Variants in FOXRED1 observed in about 807,000 individuals in gnomAD.
FOXRED1 encodes FAD-dependent oxidoreductase domain-containing protein 1.
A neutral mutation model predicts 57.8 loss-of-function variants in FOXRED1; 52 were observed. The ratio of observed to expected loss-of-function variants is 0.90; its 90% CI spans 0.72 to 1.13. The LOEUF is 1.13. Among genes scored for constraint, FOXRED1 ranks in the 50% most tolerant of loss-of-function variants. The pLI, the probability that FOXRED1 is intolerant of heterozygous loss-of-function variation, is 0.00. For missense variants in FOXRED1, 589 were observed against 625.2 expected, an observed-to-expected ratio of 0.94 and a Z score of 0.62; for synonymous variants, 271 against 248.3, an observed-to-expected ratio of 1.09 and a Z score of -0.86.
At position 126,272,718 on chromosome 11, in the gene FOXRED1, C is replaced by T. The variant is rs1286635364; in HGVS notation, c.307-251C>T. ...CGTTAATCGCCTGCCCTTGGACTTC[C>T]AGGCCATTACCATTTTGTACCACTG... On this transcript the variant is annotated intron_variant, in intron 2 of 10. Coordinates refer to ENST00000263578, the MANE Select transcript of FOXRED1 (RefSeq NM_017547.4). The surrounding 1 kb of genome is among the most constrained non-coding windows in gnomAD (Gnocchi z 4.6). 2.2e-5 allele frequency: 13 copies of T among 580,480 alleles called. No individual in the cohort carries two copies. The East Asian group carries it at 3.8e-4, about 17-fold the overall frequency. 36.0% of individuals were successfully genotyped at this position (580,480 alleles called of 1,614,324 possible).
At position 126,273,879 on chromosome 11, in the gene FOXRED1, T is replaced by C. The variant is rs1951058910; in HGVS notation, c.536+425T>C. The stretch of plus-strand genomic sequence containing the variant: ...TGCTATCACAGCATGAAAGCAGCCA[T>C]AGACAAAAGTGCAAATGAAGGAGTG... On this transcript the variant is annotated intron_variant, in intron 4 of 10. Transcript: ENST00000263578. The surrounding 1 kb of genome is among the most constrained non-coding windows in gnomAD (Gnocchi z 5.9). 4.4e-6 allele frequency: 1 copy of C among 225,780 alleles called. No individual in the cohort carries two copies. Among genetic ancestry groups the C allele is most frequent in the Non-Finnish European group, 9.1e-6 (1 of 110,496 alleles). 14.0% of individuals were successfully genotyped at this position (225,780 alleles called of 1,614,324 possible).
At position 126,276,046 on chromosome 11, in the gene FOXRED1, C is replaced by G. The variant is rs1237413919; in HGVS notation, c.811-13C>G. The G allele has an allele frequency of 1.5e-5, 24 of 1,612,844 alleles. No individual in the cohort carries two copies. The highest frequency in any genetic ancestry group is 1.8e-5 in the Non-Finnish European group (21 of 1,180,014). ...TCCGGGCCTTCCCACTCCTCACCCT[C>G]TGGTGTCTGCAGGTGAAGATGGACC... On this transcript the variant is annotated splice_polypyrimidine_tract_variant and intron_variant, in intron 7 of 10. Transcript: ENST00000263578.
In FOXRED1 at chr11:126,277,317, C is replaced by G; in HGVS notation, c.1207-118C>G. On this transcript the variant is annotated intron_variant, in intron 10 of 10. Coordinates refer to ENST00000263578, the MANE Select transcript of FOXRED1 (RefSeq NM_017547.4). This position sits in a 1 kb window ranked among gnomAD's most constrained non-coding sequence, Gnocchi z 6.8. ...TGCTAAGGAATTTCTTGGACACATCCCATCCCATAGACCCCTCAGCAGCAG... is the reference window on the plus strand; with the variant it reads ...TGCTAAGGAATTTCTTGGACACATCGCATCCCATAGACCCCTCAGCAGCAG... The G allele has an allele frequency of 7.4e-7, 1 of 1,349,008 alleles. No individual in the cohort carries two copies. The allele number at this position is 1,349,008 out of a possible 1,614,324, so 83.6% of individuals were successfully genotyped here.
rs1018849379 is a variant in FOXRED1 at position 126,276,114 on chromosome 11, A to G, written c.866A>G (p.Asn289Ser). 1 of 1,612,750 alleles carries G rather than the reference A, an allele frequency of 6.2e-7. No individual in the cohort carries two copies. Among genetic ancestry groups the G allele is most frequent in the Non-Finnish European group, 8.5e-7 (1 of 1,179,952 alleles). ...YQPVECAIVI[N>S]AAGAWSAQIA... is the part of the protein sequence containing the mutation. Reference sequence around the variant, plus strand: ...CCTGTGGAATGCGCCATTGTGATCAACGCAGCCGGAGCCTGGTCTGCGCAA... The same window carrying G: ...CCTGTGGAATGCGCCATTGTGATCAGCGCAGCCGGAGCCTGGTCTGCGCAA... The change falls in exon 8 of 11, where the codon AAC (asparagine) becomes AGC (serine). Residue 289 changes from asparagine to serine, a missense_variant. By Grantham distance (46) the Asn-to-Ser change is conservative. Transcript: ENST00000263578.
chr11:126,277,556 A>T lies in FOXRED1; in HGVS notation c.1328A>T (p.Gln443Leu), dbSNP rs751090151. The change falls in exon 11 of 11, where the codon CAG becomes CTG. Residue 443 changes from glutamine (Q) to leucine (L), a missense_variant. By Grantham distance (113) the Gln-to-Leu change is moderately radical. Transcript: ENST00000263578. The surrounding 1 kb of genome is among the most constrained non-coding windows in gnomAD (Gnocchi z 6.8). Reference sequence around the variant, plus strand: ...ACTGGCTTCAGTGGTCACGGGCTCCAGCAGGCCCCTGGCATTGGGCGAGCT... The same window carrying T: ...ACTGGCTTCAGTGGTCACGGGCTCCTGCAGGCCCCTGGCATTGGGCGAGCT... ...FATGFSGHGL[Q>L]QAPGIGRAVA... 6.2e-7 allele frequency: 1 copy of T among 1,613,774 alleles called. No individual in the cohort carries two copies. Among genetic ancestry groups the T allele is most frequent in the Non-Finnish European group, 8.5e-7 (1 of 1,180,020 alleles).
rs886047983 is a variant in FOXRED1 at position 126,278,081 on chromosome 11, G to A, written c.*392G>A. 21 of 482,454 alleles carry A rather than the reference G, an allele frequency of 4.4e-5. No homozygotes were observed. The highest frequency in any genetic ancestry group is 2.5e-4 in the East Asian group (4 of 16,286). 29.9% of individuals were successfully genotyped at this position (482,454 alleles called of 1,614,324 possible). ...GCCTGGCTCAGGTTTATTGATTTTC[G>A]TCTGTTTACCCTATCCATTAATCAA... On this transcript the variant is annotated 3_prime_UTR_variant, in exon 11 of 11. Coordinates refer to ENST00000263578, the MANE Select transcript of FOXRED1 (RefSeq NM_017547.4). The surrounding 1 kb of genome is among the most constrained non-coding windows in gnomAD (Gnocchi z 4.8).
chr11:126,269,533 A>G (rs1950915886), intron 1 of FOXRED1: 1 of 708,858 alleles, frequency 1.4e-6, no homozygotes, highest in Non-Finnish European at 2.5e-6. Context: ...AGACTGATTG[A>G]TAATCGGTGG....
Position 126,274,742 on chromosome 11 carries a change from C to A in FOXRED1, c.537-185C>A. ...AGTAGGGAAGGAAAGGCAGTCAAGGCTGAAGAGCCTGACTAGGAGGCTTGG... is the reference window on the plus strand; with the variant it reads ...AGTAGGGAAGGAAAGGCAGTCAAGGATGAAGAGCCTGACTAGGAGGCTTGG... On this transcript the variant is annotated intron_variant, in intron 4 of 10. Coordinates refer to ENST00000263578, the MANE Select transcript of FOXRED1 (RefSeq NM_017547.4). The surrounding 1 kb of genome is among the most constrained non-coding windows in gnomAD (Gnocchi z 4.8). 6.1e-6 allele frequency: 4 copies of A among 651,198 alleles called. No homozygotes were observed. The South Asian group carries it at 6.6e-5, about 11-fold the overall frequency. The allele number at this position is 651,198 out of a possible 1,614,324, so 40.3% of individuals were successfully genotyped here.
Position 126,275,798 on chromosome 11 carries a change from T to C in FOXRED1, c.738T>C (p.Phe246=). The change falls in exon 7 of 11, where the codon TTT becomes TTC. Residue 246 remains phenylalanine (F), a synonymous_variant. Coordinates refer to ENST00000263578, the MANE Select transcript of FOXRED1 (RefSeq NM_017547.4). The surrounding 1 kb of genome is among the most constrained non-coding windows in gnomAD (Gnocchi z 5.9). ...TTTTCATTTTCTTCTCTGCAGGTTT[T>C]GTCTCTTCATCTCAACGCATGTTGA... ...VLFCQGEVTR[F]VSSSQRMLTT... is the part of the protein sequence containing the mutation. The C allele has an allele frequency of 6.2e-7, 1 of 1,608,706 alleles. No homozygotes were observed. Among genetic ancestry groups the C allele is most frequent in the Non-Finnish European group, 8.5e-7 (1 of 1,175,186 alleles).
intron 1 of FOXRED1, 139 bp downstream of exon 1, chr11:126,269,430 C>T (rs766973553): frequency 1.3e-6 from 2 of 1,531,590 alleles, no homozygotes; most frequent in South Asian, 1.2e-5. Flanking sequence ...GCTTACCTAC[C>T]AGAGCTTGTA....
chr11:126,276,031 C>G, intron 7 of FOXRED1, 28 bp from the exon 8 acceptor site: 1 of 1,612,894 alleles, frequency 6.2e-7, no homozygotes, highest in South Asian at 1.1e-5. Context: ...TCCGGGCCTT[C>G]CCACTCCTCA....
chr11:126,277,360 C>G lies in FOXRED1; in HGVS notation c.1207-75C>G, dbSNP rs919045176. 1 of 1,555,954 alleles carries G rather than the reference C, an allele frequency of 6.4e-7. No homozygotes were observed. On this transcript the variant is annotated intron_variant, in intron 10 of 10. Coordinates refer to ENST00000263578, the MANE Select transcript of FOXRED1 (RefSeq NM_017547.4). This position sits in a 1 kb window ranked among gnomAD's most constrained non-coding sequence, Gnocchi z 6.8. ...AGCAGCAGGTAGAGGGTACTCTGTGCTGAGCCCTGAGGGGAGTGAGGATGG... is the reference window on the plus strand; with the variant it reads ...AGCAGCAGGTAGAGGGTACTCTGTGGTGAGCCCTGAGGGGAGTGAGGATGG...
chr11:126,269,237 G>A lies in FOXRED1; in HGVS notation c.31G>A (p.Gly11Ser). 6.2e-7 allele frequency: 1 copy of A among 1,614,130 alleles called. No homozygotes were observed. Among genetic ancestry groups the A allele is most frequent in the African/African-American group, 1.3e-5 (1 of 75,080 alleles). ...TCGGAGGGTTCTGCCGCACGGCATG[G>A]GCCGGGGCCTCTTGACCCGGAGGCC... is the stretch of plus-strand genomic sequence containing the variant. Reference protein sequence around the residue: MIRRVLPHGMGRGLLTRRPGT... With the variant: MIRRVLPHGMSRGLLTRRPGT... Residue 11 changes from glycine (G) to serine (S), a missense_variant, in exon 1 of 11, where the codon GGC (glycine) becomes AGC (serine). Gly to Ser is a moderately conservative substitution (Grantham distance 56, BLOSUM62 0). Transcript: ENST00000263578.
rs572215301 is a variant in FOXRED1 at position 126,272,604 on chromosome 11, T to C, written c.307-365T>C. On this transcript the variant is annotated intron_variant, in intron 2 of 10. Coordinates refer to ENST00000263578, the MANE Select transcript of FOXRED1 (RefSeq NM_017547.4). This position sits in a 1 kb window ranked among gnomAD's most constrained non-coding sequence, Gnocchi z 4.6. Reference sequence around the variant, plus strand: ...ACCCACCCGGCTGGTTTTTACACTTTAGGTGTTCCTGTTTGCATTGCCAGC... The same window carrying C: ...ACCCACCCGGCTGGTTTTTACACTTCAGGTGTTCCTGTTTGCATTGCCAGC... 6 of 354,324 alleles carry C rather than the reference T, an allele frequency of 1.7e-5. No homozygotes were observed. The highest frequency in any genetic ancestry group is 8.4e-5 in the African/African-American group (4 of 47,474). The allele number at this position is 354,324 out of a possible 1,614,324, so 21.9% of individuals were successfully genotyped here.
rs570233921 is a variant in FOXRED1, at chr11:126,277,848, C to T, written c.*159C>T. 1.2e-3 allele frequency: 992 copies of T among 804,878 alleles called. No individual in the cohort carries two copies. The highest frequency in any genetic ancestry group is 1.6e-3 in the Non-Finnish European group (744 of 472,406). The allele number at this position is 804,878 out of a possible 1,614,324, so 49.9% of individuals were successfully genotyped here. On this transcript the variant is annotated 3_prime_UTR_variant, in exon 11 of 11. Coordinates refer to ENST00000263578, the MANE Select transcript of FOXRED1 (RefSeq NM_017547.4). The surrounding 1 kb of genome is among the most constrained non-coding windows in gnomAD (Gnocchi z 6.8). ...CATTGCACCCATATGGCTGGGCAGG[C>T]ACAGGCAGTGAGGCCGAGGCCAATA...
rs781562583 is a variant in FOXRED1 at position 126,277,119 on chromosome 11, C to T, written c.1150C>T (p.Gln384Ter). The T allele has an allele frequency of 6.2e-7, 1 of 1,613,592 alleles. No homozygotes were observed. The highest frequency in any genetic ancestry group is 1.3e-5 in the African/African-American group (1 of 74,944). Residue 384 changes from glutamine (Q) to a stop codon, truncating the protein, a stop_gained, in exon 10 of 11, where the codon CAG (glutamine) becomes TAG (stop). Transcript: ENST00000263578. LOFTEE classifies it high-confidence loss of function. This position sits in a 1 kb window ranked among gnomAD's most constrained non-coding sequence, Gnocchi z 6.8. The part of the protein sequence containing the change: ...ANLEVDHDFF[Q>*]DKVWPHLALR... ...CCTGGAAGTGGACCATGATTTCTTC[C>T]AGGACAAGGTGTGGCCCCATTTGGC...
At chr11:126,270,287 T>G (rs1269222702) in intron 1 of FOXRED1, among the ~76,000 whole-genome samples, 1 of 152,252 alleles carries the variant, frequency 6.6e-6, no homozygotes, top group African/African-American at 2.4e-5. Flanking sequence ...ATTCCAGTGC[T>G]GCTGAGAAGA....
rs770234474 is a variant in FOXRED1 at position 126,275,342 on chromosome 11, G to A, written c.647G>A (p.Gly216Asp). ...CTTATCACAGGGATGGAGGACGAAG[G>A]TTGGTTTGACCCCTGGTGTCTGCTC... ...ALASYGMEDE[G>D]WFDPWCLLQG... Residue 216 changes from glycine to aspartate, a missense_variant, in exon 6 of 11, where the codon GGT becomes GAT. Gly to Asp is a moderately conservative substitution (Grantham distance 94). Transcript: ENST00000263578. The surrounding 1 kb of genome is among the most constrained non-coding windows in gnomAD (Gnocchi z 5.9). 4 of 1,613,118 alleles carry A rather than the reference G, an allele frequency of 2.5e-6. No homozygotes were observed. Among genetic ancestry groups the A allele is most frequent in the East Asian group, 2.2e-5 (1 of 44,872 alleles).
rs926448936 is a variant in FOXRED1 at position 126,272,105 on chromosome 11, G to C, written c.306+448G>C. On this transcript the variant is annotated intron_variant, in intron 2 of 10. Transcript: ENST00000263578. This position sits in a 1 kb window ranked among gnomAD's most constrained non-coding sequence, Gnocchi z 4.6. The stretch of plus-strand genomic sequence containing the variant: ...GCCCCCTGAGTAGCTGAGATTACAG[G>C]GACACACCCTGATGCCCAGCTATTT... Among the ~76,000 whole-genome samples the C allele has an allele frequency of 6.6e-6, 1 of 151,730 alleles. No individual in the cohort carries two copies. Among genetic ancestry groups the C allele is most frequent in the Non-Finnish European group, 1.5e-5 (1 of 67,974 alleles).
Sources: allele counts gnomAD v4.1 joint callset (sites outside exome capture counted in the v4.1 genomes callset), GRCh38; gene constraint gnomAD v4.1.1; non-coding constraint Gnocchi (gnomAD v3.1); transcripts MANE v1.5; gene names NCBI Gene and HGNC (gene_info 2026-07-23, HGNC 2026-07-21).